CAMKMT: variants seen among roughly 807,000 people sequenced by gnomAD.
CAMKMT encodes CaM KMT.
CAMKMT carries 53 observed loss-of-function variants against 48.0 expected under a neutral mutation model. The ratio of observed to expected loss-of-function variants is 1.10; its 90% CI spans 0.89 to 1.39. CAMKMT has a LOEUF of 1.39. Among genes scored for constraint, CAMKMT ranks in the 40% most tolerant of loss-of-function variants. The pLI is 0.00. For missense variants in CAMKMT, 428 were observed against 402.7 expected, an observed-to-expected ratio of 1.06 and a Z score of -0.54; for synonymous variants, 165 against 152.3, an observed-to-expected ratio of 1.08 and a Z score of -0.61.
At chr2:44,720,321 C>G (rs1678400514) in intron 7 of CAMKMT, among the ~76,000 whole-genome samples, 1 of 152,018 alleles carries the variant, frequency 6.6e-6, no homozygotes, top group African/African-American at 2.4e-5. Flanking sequence ...CTACTTTTTA[C>G]CAAGGTCAAA....
chr2:44,496,944 T>A (rs1439325126), intron 3 of CAMKMT, among the ~76,000 whole-genome samples: 1 of 152,126 alleles, frequency 6.6e-6, no homozygotes, highest in Non-Finnish European at 1.5e-5. Flanking sequence ...ACAGTGGACT[T>A]AGAAGTTAAA....
intron 3 of CAMKMT, among the ~76,000 whole-genome samples, chr2:44,571,427 T>C (rs1339648022): frequency 6.6e-6 from 1 of 152,192 alleles, no homozygotes; most frequent in Non-Finnish European, 1.5e-5. Flanking sequence ...ATTATGCAAA[T>C]TGAACTAGAA....
At chr2:44,379,949 T>G (rs1357342637) in intron 2 of CAMKMT, among the ~76,000 whole-genome samples, 1 of 152,148 alleles carries the variant, frequency 6.6e-6, no homozygotes, top group African/African-American at 2.4e-5. Context: ...TCTTGATATG[T>G]AGTATCTTTT....
At chr2:44,586,100 G>A (rs373128903) in intron 3 of CAMKMT, among the ~76,000 whole-genome samples, 1 of 152,202 alleles carries the variant, frequency 6.6e-6, no homozygotes, top group African/African-American at 2.4e-5. Context: ...GGTATGTACA[G>A]AGGTACGATT....
intron 3 of CAMKMT, among the ~76,000 whole-genome samples, chr2:44,477,424 T>A (rs757819397): frequency 6.6e-6 from 1 of 152,222 alleles, no homozygotes; most frequent in Non-Finnish European, 1.5e-5. Context: ...AAGTTAAAAC[T>A]ATTTTTAAAC....
intron 3 of CAMKMT, among the ~76,000 whole-genome samples, chr2:44,440,948 G>A (rs1666618282): frequency 1.3e-5 from 2 of 151,708 alleles, no homozygotes; most frequent in African/African-American, 2.4e-5. Context: ...TCTTAAAATG[G>A]CCTGTTTGGA....
At chr2:44,535,265 C>A (rs989197842) in intron 3 of CAMKMT, among the ~76,000 whole-genome samples, 2 of 152,070 alleles carry the variant, frequency 1.3e-5, no homozygotes, top group African/African-American at 4.8e-5. Context: ...AGTCTCCCAA[C>A]AAAGAAAAGC....
chr2:44,497,850 C>T (rs147738433), intron 3 of CAMKMT, among the ~76,000 whole-genome samples: 68 of 151,976 alleles, frequency 4.5e-4, no homozygotes, highest in African/African-American at 1.5e-3. Flanking sequence ...AGACACCTGC[C>T]GGGCATCGGG....
chr2:44,697,017 G>C (rs1676993937), intron 3 of CAMKMT, among the ~76,000 whole-genome samples: 1 of 151,922 alleles, frequency 6.6e-6, no homozygotes, highest in Admixed American at 6.6e-5. Flanking sequence ...AAGCAAGAAA[G>C]AAAAGATTTT....
chr2:44,443,505 C>G (rs1666795385), intron 3 of CAMKMT, among the ~76,000 whole-genome samples: 1 of 151,836 alleles, frequency 6.6e-6, no homozygotes, highest in South Asian at 2.1e-4. Flanking sequence ...GGGTGAAGTG[C>G]TTAGTTTTGG....
chr2:44,553,513 A>T (rs1487829339), intron 3 of CAMKMT, among the ~76,000 whole-genome samples: 3 of 152,134 alleles, frequency 2.0e-5, no homozygotes, highest in Admixed American at 6.5e-5. Context: ...GGCATGGGCC[A>T]CCACACCCCA....
intron 3 of CAMKMT, among the ~76,000 whole-genome samples, chr2:44,531,758 CATG>C (rs1288217731): frequency 6.6e-6 from 1 of 152,120 alleles, no homozygotes; most frequent in African/African-American, 2.4e-5. Context: ...CTTTGAATCT[CATG>C]ATATTACACT....
At chr2:44,703,334 G>T (rs1677357857) in intron 3 of CAMKMT, among the ~76,000 whole-genome samples, 1 of 152,132 alleles carries the variant, frequency 6.6e-6, no homozygotes, top group South Asian at 2.1e-4. Flanking sequence ...CTAAGTATTT[G>T]AAATCAGTGA....
intron 3 of CAMKMT, among the ~76,000 whole-genome samples, chr2:44,648,950 T>C (rs1416415238): frequency 6.6e-6 from 1 of 152,194 alleles, no homozygotes; most frequent in Non-Finnish European, 1.5e-5. Context: ...CCTTTCTTTA[T>C]AAAAAGTCAT....
At position 44,527,656 on chromosome 2, in the gene CAMKMT, C is replaced by T. The variant is rs551709227; in HGVS notation, c.376+137351C>T. On this transcript the variant is annotated intron_variant, in intron 3 of 10. Transcript: ENST00000378494. ...GTGTTCTGATTTTGTGCAACATGTT[C>T]ATGAGTGTTTTACAGTTCCTTTTTT... 1.2e-4 allele frequency among the ~76,000 whole-genome samples: 18 copies of T among 151,616 alleles called. 1 individual carries two copies. The highest frequency in any genetic ancestry group is 4.4e-4 in the African/African-American group (18 of 41,376).
At chr2:44,721,065 T>G (rs1171101458) in intron 7 of CAMKMT, among the ~76,000 whole-genome samples, 1 of 152,140 alleles carries the variant, frequency 6.6e-6, no homozygotes, top group Admixed American at 6.6e-5. Context: ...CTCTTGAGTT[T>G]TCCAAACAAA....
intron 6 of CAMKMT, among the ~76,000 whole-genome samples, chr2:44,710,388 G>A (rs1349674840): frequency 6.6e-6 from 1 of 152,114 alleles, no homozygotes; most frequent in Non-Finnish European, 1.5e-5. Context: ...AAATTTTTAA[G>A]TCACAAATAT....
chr2:44,470,900 ATCTTTT>A (rs1369230071), intron 3 of CAMKMT, among the ~76,000 whole-genome samples: 1 of 149,060 alleles, frequency 6.7e-6, no homozygotes, highest in Non-Finnish European at 1.5e-5. Context: ...TGCTATGTTT[ATCTTTT>A]TCTTATTGGA....
intron 3 of CAMKMT, among the ~76,000 whole-genome samples, chr2:44,546,420 C>A (rs561400942): frequency 6.6e-6 from 1 of 152,326 alleles, no homozygotes; most frequent in South Asian, 2.1e-4. Context: ...TCCATCATCA[C>A]AAGTACTTGA....
Sources: allele counts gnomAD v4.1 joint callset (sites outside exome capture counted in the v4.1 genomes callset), GRCh38; gene constraint gnomAD v4.1.1; transcripts MANE v1.5; gene names NCBI Gene and HGNC (gene_info 2026-07-23, HGNC 2026-07-21).